CCSER1: variants seen among roughly 807,000 people sequenced by gnomAD.
CCSER1 encodes serine-rich coiled-coil domain-containing protein 1.
CCSER1 carries 41 observed loss-of-function variants against 82.0 expected under a neutral mutation model. That is an observed-to-expected ratio of 0.50 (90% confidence interval 0.39 to 0.65). CCSER1 has a LOEUF of 0.65. Among genes scored for constraint, CCSER1 ranks in the 30% least tolerant of loss-of-function variants. The pLI is 0.00. For synonymous variants in CCSER1, 414 were observed against 383.9 expected (o/e 1.08, Z -0.92); for missense variants, 1,119 against 1,064.2 (o/e 1.05, Z -0.72).
intron 7 of CCSER1, among the ~76,000 whole-genome samples, chr4:90,798,505 C>A (rs1419365071): frequency 6.6e-6 from 1 of 151,390 alleles, no homozygotes; most frequent in Admixed American, 6.6e-5. Context: ...TGGTTTAGAA[C>A]CTTTGCTGGA....
At chr4:90,495,987 T>C (rs1768932221) in intron 5 of CCSER1, among the ~76,000 whole-genome samples, 1 of 152,192 alleles carries the variant, frequency 6.6e-6, no homozygotes, top group East Asian at 1.9e-4. Context: ...TAAATGACTT[T>C]TGCAAAAATC....
At chr4:91,407,404 T>C (rs1752765885) in intron 10 of CCSER1, among the ~76,000 whole-genome samples, 3 of 152,188 alleles carry the variant, frequency 2.0e-5, no homozygotes, top group South Asian at 2.1e-4. Flanking sequence ...ATGAACTCTT[T>C]ACAAATAAGT....
intron 10 of CCSER1, among the ~76,000 whole-genome samples, chr4:91,401,941 T>C (rs539667332): frequency 4.6e-5 from 7 of 152,222 alleles, no homozygotes; most frequent in Non-Finnish European, 8.8e-5. Context: ...GATCAAATGA[T>C]ATTTCTAGTT....
intron 1 of CCSER1, among the ~76,000 whole-genome samples, chr4:90,227,800 C>A (rs912872757): frequency 1.3e-5 from 2 of 152,198 alleles, no homozygotes; most frequent in African/African-American, 4.8e-5. Flanking sequence ...CGAGGCATTG[C>A]CTCACTCGGG....
intron 4 of CCSER1, among the ~76,000 whole-genome samples, chr4:90,422,968 T>C (rs866041089): frequency 6.6e-6 from 1 of 152,214 alleles, no homozygotes; most frequent in Non-Finnish European, 1.5e-5. Flanking sequence ...TCGATAATGA[T>C]GACTTGGGAA....
At chr4:91,237,641 T>C (rs1002670446) in intron 10 of CCSER1, among the ~76,000 whole-genome samples, 2 of 152,112 alleles carry the variant, frequency 1.3e-5, no homozygotes, top group African/African-American at 2.4e-5. Flanking sequence ...GAGACTAAGA[T>C]AGAACAAATT....
chr4:91,589,980 G>GTTCAT (rs1764190220), intron 10 of CCSER1, among the ~76,000 whole-genome samples: 1 of 152,106 alleles, frequency 6.6e-6, no homozygotes, highest in East Asian at 1.9e-4. Context: ...TCTGCCTAGA[G>GTTCAT]TTCATTTACT....
chr4:91,495,031 C>T (rs946270324), intron 10 of CCSER1, among the ~76,000 whole-genome samples: 1 of 151,648 alleles, frequency 6.6e-6, no homozygotes, highest in Non-Finnish European at 1.5e-5. Context: ...TTTCAGTTTT[C>T]TCTCTAGCAA....
intron 10 of CCSER1, among the ~76,000 whole-genome samples, chr4:91,253,344 C>T (rs1740409629): frequency 6.6e-6 from 1 of 152,008 alleles, no homozygotes; most frequent in Non-Finnish European, 1.5e-5. Context: ...AATCAATTGT[C>T]TGTGCTATTG....
intron 8 of CCSER1, among the ~76,000 whole-genome samples, chr4:90,870,653 T>G (rs1766355037): frequency 1.3e-5 from 2 of 151,774 alleles, no homozygotes. Flanking sequence ...TTTTCTTTTT[T>G]GATGTGTCTT....
At chr4:90,756,946 A>G (rs1749627416) in intron 7 of CCSER1, among the ~76,000 whole-genome samples, 1 of 152,202 alleles carries the variant, frequency 6.6e-6, no homozygotes. Flanking sequence ...ACTGATATGA[A>G]TATATTAAAC....
At chr4:91,111,088 A>AT (rs1387054792) in intron 10 of CCSER1, among the ~76,000 whole-genome samples, 2 of 151,832 alleles carry the variant, frequency 1.3e-5, no homozygotes, top group Admixed American at 6.6e-5. Context: ...ATGTGGTTGA[A>AT]TTTTTTTTAA....
intron 8 of CCSER1, among the ~76,000 whole-genome samples, chr4:90,817,651 T>G (rs1034985128): frequency 6.6e-6 from 1 of 151,962 alleles, no homozygotes; most frequent in Non-Finnish European, 1.5e-5. Flanking sequence ...TTAAAAAAAA[T>G]ATAGTTTATT....
chr4:90,777,458 T>A (rs1301771610), intron 7 of CCSER1, among the ~76,000 whole-genome samples: 1 of 151,836 alleles, frequency 6.6e-6, no homozygotes, highest in Non-Finnish European at 1.5e-5. Flanking sequence ...TTTCTTCTGA[T>A]CATCAATTAT....
At position 91,603,187 on chromosome 4, in the gene CCSER1, G is replaced by GCAAA. The variant is rs1294698208; in HGVS notation, c.*4133_*4136dup. 6.6e-6 allele frequency: 1 copy of GCAAA among 152,132 alleles called. No individual in the cohort carries two copies. Among genetic ancestry groups the GCAAA allele is most frequent in the South Asian group, 2.1e-4 (1 of 4,828 alleles). The allele number at this position is 152,132 out of a possible 1,614,324, so 9.4% of individuals were successfully genotyped here. A position where few individuals can be genotyped will look rare whatever the true frequency, so the allele number is the denominator to read the frequency against. The stretch of plus-strand genomic sequence containing the variant: ...AGCTGAATTACACTGTAGTATAAAA[G>GCAAA]CAAACAGTCAACTAAGCAACCAAAC... On this transcript the variant is annotated 3_prime_UTR_variant, in exon 11 of 11. Transcript: ENST00000509176.
intron 8 of CCSER1, among the ~76,000 whole-genome samples, chr4:90,829,904 A>G (rs1424732488): frequency 6.6e-6 from 1 of 152,172 alleles, no homozygotes; most frequent in African/African-American, 2.4e-5. Context: ...TGCCTATCTG[A>G]GGCTTCCTTC....
chr4:91,094,422 G>A (rs1321375411), intron 10 of CCSER1, among the ~76,000 whole-genome samples: 2 of 152,178 alleles, frequency 1.3e-5, no homozygotes, highest in Non-Finnish European at 2.9e-5. Flanking sequence ...AATCCTAACA[G>A]TGTGTAAGGG....
At chr4:90,908,602 A>C (rs1047694255) in intron 8 of CCSER1, among the ~76,000 whole-genome samples, 6 of 152,160 alleles carry the variant, frequency 3.9e-5, no homozygotes, top group Non-Finnish European at 7.3e-5. Flanking sequence ...TTTAAGATGC[A>C]ATAAATATAT....
At chr4:90,756,602 A>T (rs915908661) in intron 7 of CCSER1, among the ~76,000 whole-genome samples, 2 of 152,174 alleles carry the variant, frequency 1.3e-5, no homozygotes, top group African/African-American at 4.8e-5. Flanking sequence ...TCATATGCCA[A>T]ATAGCCTCTA....
Sources: gnomAD v4.1 joint callset for allele counts (sites outside exome capture counted in the v4.1 genomes callset) on GRCh38, gnomAD v4.1.1 for gene constraint, MANE v1.5 for transcripts, NCBI Gene and HGNC (gene_info 2026-07-23, HGNC 2026-07-21) for gene names.